Variants in STAM2 observed in about 807,000 individuals in gnomAD.
STAM2 encodes signal transducing adaptor molecule 2.
STAM2 carries 51 observed loss-of-function variants against 65.6 expected under a neutral mutation model. The observed-to-expected ratio is 0.78, with a 90% CI of 0.62 to 0.98. STAM2 has a LOEUF of 0.98. STAM2 is among the 50% of genes least tolerant of loss of function. STAM2 has a pLI of 0.00. For missense variants in STAM2, 584 were observed against 617.8 expected, an observed-to-expected ratio of 0.95 and a Z score of 0.58; for synonymous variants, 198 against 208.4, an observed-to-expected ratio of 0.95 and a Z score of 0.43.
intron 7 of STAM2, among the ~76,000 whole-genome samples, chr2:152,143,250 A>G (rs1579320687): frequency 2.0e-5 from 3 of 152,338 alleles, no homozygotes; most frequent in Admixed American, 2.0e-4. Flanking sequence ...TATAATGGAT[A>G]CCAAATACAT....
intron 1 of STAM2, among the ~76,000 whole-genome samples, chr2:152,154,768 A>G (rs1044647723): frequency 1.3e-5 from 2 of 152,216 alleles, no homozygotes; most frequent in East Asian, 1.9e-4. Context: ...ATTTCTACTC[A>G]TAATAAACAT....
rs921014097 is a variant in STAM2, at chr2:152,118,144, A to G, written c.*2430T>C. 6 of 152,028 alleles carry G rather than the reference A, an allele frequency of 3.9e-5. No homozygotes were observed. The highest frequency in any genetic ancestry group is 1.4e-4 in the African/African-American group (6 of 41,428). The allele number at this position is 152,028 out of a possible 1,614,324, so 9.4% of individuals were successfully genotyped here. A position where few individuals can be genotyped will look rare whatever the true frequency, so the allele number is the denominator to read the frequency against. Reference sequence around the variant, plus strand: ...AGCAGAAGCTATTTTTTTATTTCTGATATAAAACAGTAAGTATGAACCCAA... The same window carrying G: ...AGCAGAAGCTATTTTTTTATTTCTGGTATAAAACAGTAAGTATGAACCCAA... On this transcript the variant is annotated 3_prime_UTR_variant, in exon 14 of 14. Coordinates refer to ENST00000263904, the MANE Select transcript of STAM2 (RefSeq NM_005843.6).
chr2:152,153,018 C>A (rs954874040), intron 1 of STAM2, among the ~76,000 whole-genome samples: 2 of 151,964 alleles, frequency 1.3e-5, no homozygotes, highest in African/African-American at 2.4e-5. Context: ...AAAGTAAAAA[C>A]TGACAAGTAA....
chr2:152,167,351 A>C (rs1461483182), intron 1 of STAM2, among the ~76,000 whole-genome samples: 1 of 152,212 alleles, frequency 6.6e-6, no homozygotes, highest in East Asian at 1.9e-4. Context: ...AGACCCATTA[A>C]GAAAATAACG....
At chr2:152,128,558 T>C (rs1294729884) in intron 11 of STAM2, among the ~76,000 whole-genome samples, 2 of 152,106 alleles carry the variant, frequency 1.3e-5, no homozygotes, top group Non-Finnish European at 2.9e-5. Flanking sequence ...GAAAATGCAG[T>C]AGAAAGACAT....
chr2:152,159,296 G>A (rs1030072464), intron 1 of STAM2, among the ~76,000 whole-genome samples: 1 of 150,052 alleles, frequency 6.7e-6, no homozygotes, highest in African/African-American at 2.5e-5. Flanking sequence ...TGGGTGACAG[G>A]GTGAAACACT....
chr2:152,146,220 G>A (rs1046995699), intron 5 of STAM2, among the ~76,000 whole-genome samples: 2 of 146,036 alleles, frequency 1.4e-5, no homozygotes, highest in Admixed American at 1.4e-4. Flanking sequence ...GCAGTGAGCT[G>A]AGGTTGTGCC....
chr2:152,146,829 A>AT (rs1427019705), intron 5 of STAM2, among the ~76,000 whole-genome samples: 1 of 152,114 alleles, frequency 6.6e-6, no homozygotes, highest in East Asian at 1.9e-4. Context: ...TAAATTAGTT[A>AT]TTTTTCACAT....
chr2:152,127,743 C>T (rs1221917929), intron 11 of STAM2, among the ~76,000 whole-genome samples: 1 of 152,062 alleles, frequency 6.6e-6, no homozygotes, highest in East Asian at 1.9e-4. Context: ...AACAACAAAC[C>T]CAAATAAAAG....
intron 1 of STAM2, among the ~76,000 whole-genome samples, chr2:152,170,478 G>A (rs188964180): frequency 3.3e-5 from 4 of 120,506 alleles, no homozygotes; most frequent in East Asian, 5.0e-4. Flanking sequence ...GCAAGACTCC[G>A]TCTCAAAAAA....
intron 1 of STAM2, among the ~76,000 whole-genome samples, chr2:152,160,256 CCGGCCGCCA>C (rs2105560852): frequency 6.6e-6 from 1 of 151,514 alleles, no homozygotes; most frequent in South Asian, 2.1e-4. Context: ...GCGTCTCTGC[CCGGCCGCCA>C]TCCCATCTAG....
Position 152,175,669 on chromosome 2 carries a change from T to C in STAM2, c.-27A>G, listed in dbSNP as rs1690006515. ...TCGCCGGCGCCCGAGCCCTAGTCGC[T>C]GCTGTCTAGCTGACACTCAGCAACT... On this transcript the variant is annotated 5_prime_UTR_variant, in exon 1 of 14. Coordinates refer to ENST00000263904, the MANE Select transcript of STAM2 (RefSeq NM_005843.6). The C allele has an allele frequency of 6.2e-7, 1 of 1,602,848 alleles. No individual in the cohort carries two copies. The highest frequency in any genetic ancestry group is 1.3e-5 in the African/African-American group (1 of 74,776).
chr2:152,153,941 G>A (rs1053307323), intron 1 of STAM2, among the ~76,000 whole-genome samples: 3 of 148,512 alleles, frequency 2.0e-5, no homozygotes, highest in Admixed American at 6.7e-5. Context: ...AAAAGTTAAT[G>A]CAAAATTAAA....
rs142380835 is a variant in STAM2, at chr2:152,161,566, A to T, written c.41-11337T>A. Reference sequence around the variant, plus strand: ...TAGACTACACAATTCTTGTGTAGTGAAATTTAGATTAAAATATTTAAATGC... The same window carrying T: ...TAGACTACACAATTCTTGTGTAGTGTAATTTAGATTAAAATATTTAAATGC... On this transcript the variant is annotated intron_variant, in intron 1 of 13. Transcript: ENST00000263904. 1.3e-3 allele frequency among the ~76,000 whole-genome samples: 190 copies of T among 151,902 alleles called. 1 individual carries two copies. Among genetic ancestry groups the T allele is most frequent in the African/African-American group, 4.4e-3 (182 of 41,442 alleles).
At chr2:152,174,816 G>A (rs1560228329) in intron 1 of STAM2, among the ~76,000 whole-genome samples, 1 of 152,188 alleles carries the variant, frequency 6.6e-6, no homozygotes, top group Non-Finnish European at 1.5e-5. Context: ...AGACTTTCGA[G>A]AATACATACA....
chr2:152,145,470 A>T (rs893618186), intron 5 of STAM2, among the ~76,000 whole-genome samples: 1 of 152,256 alleles, frequency 6.6e-6, no homozygotes, highest in Non-Finnish European at 1.5e-5. Flanking sequence ...CACAGGGATC[A>T]AACTGGCTTA....
rs1162441884 is a variant in STAM2 at position 152,118,460 on chromosome 2, A to ATATATATATG, written c.*2113_*2114insCATATATATA. On this transcript the variant is annotated 3_prime_UTR_variant, in exon 14 of 14. Transcript: ENST00000263904. The stretch of plus-strand genomic sequence containing the variant: ...ATACTATATATTTATATATATATAT[A>ATATATATATG]TGTGTCATGTTTTATTATTCTAAAA... 31 of 149,128 alleles carry ATATATATATG rather than the reference A, an allele frequency of 2.1e-4. No individual in the cohort carries two copies. Among genetic ancestry groups the ATATATATATG allele is most frequent in the African/African-American group, 7.4e-4 (30 of 40,672 alleles). 9.2% of individuals were successfully genotyped at this position (149,128 alleles called of 1,614,324 possible). A position where few individuals can be genotyped will look rare whatever the true frequency, so the allele number is the denominator to read the frequency against.
chr2:152,156,832 A>G (rs1401192544), intron 1 of STAM2, among the ~76,000 whole-genome samples: 1 of 152,138 alleles, frequency 6.6e-6, no homozygotes, highest in Non-Finnish European at 1.5e-5. Context: ...GAAAACTTTA[A>G]AGCTCCTCCT....
intron 7 of STAM2, among the ~76,000 whole-genome samples, chr2:152,136,658 T>G (rs1689160776): frequency 6.6e-6 from 1 of 152,070 alleles, no homozygotes; most frequent in South Asian, 2.1e-4. Context: ...CCTTTTTAAT[T>G]TTATATATTA....
Sources: gnomAD v4.1 joint callset for allele counts (sites outside exome capture counted in the v4.1 genomes callset) on GRCh38, gnomAD v4.1.1 for gene constraint, MANE v1.5 for transcripts, NCBI Gene and HGNC (gene_info 2026-07-23, HGNC 2026-07-21) for gene names.